METTL15: variants seen among roughly 807,000 people sequenced by gnomAD.
METTL15 encodes 12S rRNA N(4)-cytidine methyltransferase METTL15.
A neutral mutation model predicts 38.3 loss-of-function variants in METTL15; 34 were observed. The observed-to-expected ratio is 0.89, with a 90% CI of 0.68 to 1.18. The LOEUF is 1.18. Ranked by LOEUF, METTL15 falls within the 50% of genes most tolerant of loss-of-function variation. The pLI is 0.00. For synonymous variants in METTL15, 162 were observed against 170.9 expected (o/e 0.95, Z 0.41); for missense variants, 438 against 498.4 (o/e 0.88, Z 1.15).
At chr11:28,479,435 C>CT (rs1307418144) in intron 6 of METTL15, among the ~76,000 whole-genome samples, 4 of 151,842 alleles carry the variant, frequency 2.6e-5, no homozygotes, top group Admixed American at 6.6e-5. Context: ...TTCCCATTGG[C>CT]TTTTTTTTCT....
intron 4 of METTL15, among the ~76,000 whole-genome samples, chr11:28,267,494 T>C (rs1338681186): frequency 6.6e-6 from 1 of 152,244 alleles, no homozygotes; most frequent in Non-Finnish European, 1.5e-5. Flanking sequence ...CTTTGTATCT[T>C]TTGATATTAC....
chr11:28,224,878 TTTC>T (rs1853409185), intron 4 of METTL15, among the ~76,000 whole-genome samples: 1 of 151,898 alleles, frequency 6.6e-6, no homozygotes, highest in Non-Finnish European at 1.5e-5. Flanking sequence ...ACTTTTATAA[TTTC>T]TTATGTCCAT....
intron 3 of METTL15, among the ~76,000 whole-genome samples, chr11:28,207,940 G>A (rs1360134261): frequency 2.6e-5 from 4 of 152,106 alleles, no homozygotes; most frequent in Non-Finnish European, 5.9e-5. Flanking sequence ...GTATTTCTGT[G>A]GGATCTGTGG....
At chr11:28,363,055 T>G (rs1850153822) in intron 5 of METTL15, among the ~76,000 whole-genome samples, 1 of 152,266 alleles carries the variant, frequency 6.6e-6, no homozygotes, top group East Asian at 1.9e-4. Context: ...CCATTCTGAC[T>G]GATGTGAGAT....
intron 5 of METTL15, among the ~76,000 whole-genome samples, chr11:28,404,786 G>A (rs1451901279): frequency 6.6e-6 from 1 of 152,056 alleles, no homozygotes; most frequent in Non-Finnish European, 1.5e-5. Context: ...CTGATCCTTG[G>A]AGTGCAAATG....
chr11:28,327,810 T>C, intron 6 of METTL15: 2 of 274,660 alleles, frequency 7.3e-6, no homozygotes, highest in Non-Finnish European at 1.3e-5. Flanking sequence ...AACATTCCAT[T>C]TTCATTAATT....
intron 3 of METTL15, among the ~76,000 whole-genome samples, chr11:28,128,513 A>G (rs1852598707): frequency 6.6e-6 from 1 of 152,122 alleles, no homozygotes; most frequent in South Asian, 2.1e-4. Flanking sequence ...AAAATTGGAC[A>G]TGTTGTAGTT....
At chr11:28,404,003 GT>G (rs1174781247) in intron 5 of METTL15, among the ~76,000 whole-genome samples, 8 of 151,904 alleles carry the variant, frequency 5.3e-5, no homozygotes, top group African/African-American at 1.9e-4. Flanking sequence ...TTAGACCACT[GT>G]GTTCAACATA....
chr11:28,131,999 A>C (rs1849354478), intron 3 of METTL15, among the ~76,000 whole-genome samples: 1 of 152,212 alleles, frequency 6.6e-6, no homozygotes, highest in Admixed American at 6.5e-5. Context: ...GCATTAAACC[A>C]AGTCTGATGA....
At chr11:28,348,680 TTATGTATG>T (rs55889001) in intron 3 of METTL15, among the ~76,000 whole-genome samples, 28,154 of 145,848 alleles carry the variant, frequency 0.19, 4,010 homozygotes, top group African/African-American at 0.39. Context: ...GTCTATCCAT[TTATGTATG>T]TATGTATGTA....
chr11:28,489,866 C>G (rs951873450), intron 6 of METTL15, among the ~76,000 whole-genome samples: 3 of 152,070 alleles, frequency 2.0e-5, no homozygotes, highest in Non-Finnish European at 4.4e-5. Context: ...TCAATAAATG[C>G]TAATTCTGTG....
At chr11:28,201,610 G>GGTGTGTGT (rs71050951) in intron 3 of METTL15, among the ~76,000 whole-genome samples, 8 of 145,652 alleles carry the variant, frequency 5.5e-5, no homozygotes, top group East Asian at 2.0e-4. Context: ...GTCTTGGGAG[G>GGTGTGTGT]GTGTGTGTGT....
chr11:28,441,000 A>G (rs940155653), intron 6 of METTL15, among the ~76,000 whole-genome samples: 22 of 146,596 alleles, frequency 1.5e-4, no homozygotes, highest in Non-Finnish European at 6.0e-5. Context: ...TGTAGAAACA[A>G]TTTTTTTTTG....
At chr11:28,163,367 A>G in intron 3 of METTL15, 1 of 398,126 alleles carries the variant, frequency 2.5e-6, no homozygotes, top group Non-Finnish European at 4.4e-6. Flanking sequence ...CCATGTGCTC[A>G]TCTTTCTGCA....
chr11:28,329,086 G>C (rs898426277), intron 6 of METTL15, among the ~76,000 whole-genome samples: 2 of 152,060 alleles, frequency 1.3e-5, no homozygotes, highest in African/African-American at 4.8e-5. Context: ...GAGTTTTATA[G>C]TTTGTACTTT....
At chr11:28,198,069 A>G (rs1475951263) in intron 3 of METTL15, among the ~76,000 whole-genome samples, 2 of 152,130 alleles carry the variant, frequency 1.3e-5, no homozygotes, top group Non-Finnish European at 2.9e-5. Flanking sequence ...CAGCATTCTT[A>G]GTAGTTAGTA....
rs745368498 is a variant in METTL15, at chr11:28,350,163, G to A, written c.*190-1927G>A. Among the ~76,000 whole-genome samples the A allele has an allele frequency of 3.3e-5, 5 of 152,148 alleles. No individual in the cohort carries two copies. The South Asian group carries it at 8.3e-4, about 25-fold the overall frequency. The stretch of plus-strand genomic sequence containing the variant: ...TAGGGCCTGTAGACAAATAAGAAAC[G>A]GTTCCTGTATCCAAAAGAGAGATGG... On this transcript the variant is annotated intron_variant and NMD_transcript_variant, in intron 3 of 7. Transcript: ENST00000532947.
At chr11:28,289,275 C>G (rs547950992) in intron 4 of METTL15, among the ~76,000 whole-genome samples, 4 of 152,168 alleles carry the variant, frequency 2.6e-5, no homozygotes, top group East Asian at 1.9e-4. Context: ...AATGCCTGAC[C>G]CATAGCAAAT....
At chr11:28,128,807 T>G (rs1852613268) in intron 3 of METTL15, among the ~76,000 whole-genome samples, 1 of 152,236 alleles carries the variant, frequency 6.6e-6, no homozygotes, top group Middle Eastern at 3.4e-3. Context: ...TAGTCTTAGG[T>G]GATTTGGGAT....
Sources: allele counts gnomAD v4.1 joint callset (sites outside exome capture counted in the v4.1 genomes callset), GRCh38; gene constraint gnomAD v4.1.1; transcripts MANE v1.5; gene names NCBI Gene and HGNC (gene_info 2026-07-23, HGNC 2026-07-21).